Variants in GPC6 observed in about 807,000 individuals in gnomAD.
GPC6 encodes glypican 6, also known as glypican-6.
GPC6 carries 14 observed loss-of-function variants against 55.2 expected under a neutral mutation model. The observed-to-expected ratio is 0.25, with a 90% CI of 0.17 to 0.40. The LOEUF (loss-of-function observed/expected upper bound fraction) is 0.40. GPC6 is among the 10% of genes least tolerant of loss of function. GPC6 has a pLI of 1.00. For synonymous variants in GPC6, 278 were observed against 259.6 expected (o/e 1.07, Z -0.68); for missense variants, 641 against 708.5 (o/e 0.90, Z 1.08).
intron 6 of GPC6, among the ~76,000 whole-genome samples, chr13:94,381,657 C>T (rs1456679771): frequency 6.6e-6 from 1 of 152,196 alleles, no homozygotes; most frequent in Non-Finnish European, 1.5e-5. Context: ...CAGATGCATT[C>T]CAGCCATCTC....
chr13:93,225,195 T>C (rs1566529838), upstream of GPC6, among the ~76,000 whole-genome samples: 1 of 152,194 alleles, frequency 6.6e-6, no homozygotes, highest in Non-Finnish European at 1.5e-5. Flanking sequence ...CCTCTTCCTC[T>C]GGAGTGCATA....
At chr13:94,151,298 C>A (rs1887731096) in intron 4 of GPC6, among the ~76,000 whole-genome samples, 1 of 152,108 alleles carries the variant, frequency 6.6e-6, no homozygotes, top group Non-Finnish European at 1.5e-5. Flanking sequence ...ATTGGATGAG[C>A]TATTCTCTAT....
At chr13:93,239,867 A>G (rs1195650684) in intron 1 of GPC6, among the ~76,000 whole-genome samples, 2 of 151,998 alleles carry the variant, frequency 1.3e-5, no homozygotes, top group Admixed American at 6.6e-5. Flanking sequence ...TATTAATTTT[A>G]ATGTTGATTT....
At chr13:94,108,851 A>C (rs927189164) in intron 4 of GPC6, among the ~76,000 whole-genome samples, 2 of 127,114 alleles carry the variant, frequency 1.6e-5, no homozygotes, top group Non-Finnish European at 3.5e-5. Context: ...TCAAAAAAAA[A>C]AACAAAAAAA....
In GPC6 at chr13:93,915,926, C is replaced by T. The variant is rs139895924; in HGVS notation, c.711+85381C>T. On this transcript the variant is annotated intron_variant, in intron 3 of 8. Coordinates refer to ENST00000377047, the MANE Select transcript of GPC6 (RefSeq NM_005708.5). ...GGAGCTAGAAGTGTCCTGGAAGTGCCGGGAAAAGAGCGCCCCTTAGGTGAG... is the reference window on the plus strand; with the variant it reads ...GGAGCTAGAAGTGTCCTGGAAGTGCTGGGAAAAGAGCGCCCCTTAGGTGAG... 2.8e-3 allele frequency among the ~76,000 whole-genome samples: 431 copies of T among 152,204 alleles called. 2 individuals are homozygous for T. Among genetic ancestry groups the T allele is most frequent in the Admixed American group, 6.0e-3 (92 of 15,282 alleles).
At chr13:93,935,911 G>A (rs1462723731) in intron 3 of GPC6, among the ~76,000 whole-genome samples, 7 of 152,148 alleles carry the variant, frequency 4.6e-5, no homozygotes, top group African/African-American at 1.7e-4. Context: ...CAGAATCTCT[G>A]TGCCCAGGGC....
At chr13:93,517,255 A>C (rs1293758084) in intron 1 of GPC6, among the ~76,000 whole-genome samples, 1 of 152,120 alleles carries the variant, frequency 6.6e-6, no homozygotes, top group Non-Finnish European at 1.5e-5. Flanking sequence ...AGGAAGAACA[A>C]ATGTAAGATA....
chr13:93,978,714 T>G (rs1880636766), intron 3 of GPC6, among the ~76,000 whole-genome samples: 1 of 152,150 alleles, frequency 6.6e-6, no homozygotes, highest in African/African-American at 2.4e-5. Context: ...CACTTCCTTC[T>G]CTCAACTGAG....
intron 1 of GPC6, among the ~76,000 whole-genome samples, chr13:93,271,515 A>G (rs1877526255): frequency 6.6e-6 from 1 of 152,172 alleles, no homozygotes; most frequent in African/African-American, 2.4e-5. Context: ...TGTATCAGAT[A>G]CAGCTTTAGA....
chr13:94,202,694 C>A (rs1171797773), intron 4 of GPC6, among the ~76,000 whole-genome samples: 1 of 152,012 alleles, frequency 6.6e-6, no homozygotes, highest in African/African-American at 2.4e-5. Context: ...TAAGGTAATG[C>A]TAGAACCTTG....
intron 1 of GPC6, among the ~76,000 whole-genome samples, chr13:93,453,540 A>C (rs918750139): frequency 9.1e-5 from 8 of 88,330 alleles, no homozygotes; most frequent in African/African-American, 2.7e-4. Context: ...GAAGCCGCGG[A>C]CCCTCGCAGT....
chr13:94,334,392 CT>C (rs1877578351), intron 6 of GPC6, among the ~76,000 whole-genome samples: 1 of 152,232 alleles, frequency 6.6e-6, no homozygotes. Flanking sequence ...CCAGTGCCCC[CT>C]GATTCTTCTC....
At chr13:93,454,100 C>A (rs1262974825) in intron 1 of GPC6, among the ~76,000 whole-genome samples, 1 of 152,072 alleles carries the variant, frequency 6.6e-6, no homozygotes, top group South Asian at 2.1e-4. Flanking sequence ...CAAGGCCCCA[C>A]CAGAGTAGCT....
chr13:93,862,195 C>G (rs904869969), intron 3 of GPC6, among the ~76,000 whole-genome samples: 2 of 151,652 alleles, frequency 1.3e-5, no homozygotes. Context: ...GTAATTCTAT[C>G]AGTGCTGAAT....
chr13:93,854,292 A>G (rs1379986298), intron 3 of GPC6, among the ~76,000 whole-genome samples: 1 of 151,660 alleles, frequency 6.6e-6, no homozygotes, highest in Non-Finnish European at 1.5e-5. Context: ...AAATCTCTGA[A>G]TCCGTATTTA....
chr13:93,429,010 C>T (rs1446873580), intron 1 of GPC6, among the ~76,000 whole-genome samples: 3 of 152,038 alleles, frequency 2.0e-5, no homozygotes, highest in Non-Finnish European at 2.9e-5. Flanking sequence ...CTATCTTCTA[C>T]CTGCATCCCA....
At chr13:94,084,700 T>A (rs781693724) in intron 4 of GPC6, among the ~76,000 whole-genome samples, 1 of 152,234 alleles carries the variant, frequency 6.6e-6, no homozygotes, top group Non-Finnish European at 1.5e-5. Flanking sequence ...CCTTCTTAAG[T>A]TGATAAAGTT....
intron 2 of GPC6, among the ~76,000 whole-genome samples, chr13:93,812,142 T>TGGGGGGGG (rs35966772): frequency 1.1e-4 from 8 of 73,806 alleles, no homozygotes; most frequent in Admixed American, 2.6e-4. Context: ...TGCAAGGCGG[T>TGGGGGGGG]GGGGGGGGGG....
chr13:93,353,778 T>G (rs1880723013), intron 1 of GPC6, among the ~76,000 whole-genome samples: 1 of 152,226 alleles, frequency 6.6e-6, no homozygotes, highest in Non-Finnish European at 1.5e-5. Flanking sequence ...ATGTTTAATG[T>G]CCCTTGCCAT....
Sources: gnomAD v4.1 joint callset for allele counts (sites outside exome capture counted in the v4.1 genomes callset) on GRCh38, gnomAD v4.1.1 for gene constraint, MANE v1.5 for transcripts, NCBI Gene and HGNC (gene_info 2026-07-23, HGNC 2026-07-21) for gene names.